Variants in ARHGAP15 observed in about 807,000 individuals in gnomAD.
ARHGAP15 encodes the protein rho GTPase-activating protein 15.
ARHGAP15 carries 51 observed loss-of-function variants against 63.7 expected under a neutral mutation model. The ratio of observed to expected loss-of-function variants is 0.80; its 90% confidence interval spans 0.64 to 1.01. The LOEUF is 1.01. ARHGAP15 is among the 50% of genes least tolerant of loss of function. The probability of loss-of-function intolerance (pLI) is 0.00; values close to 1 mark genes in which losing one functional copy is unlikely to be tolerated. For missense variants in ARHGAP15, 560 were observed against 564.6 expected (o/e 0.99, Z 0.08); for synonymous variants, 191 against 193.8 (o/e 0.99, Z 0.12).
At chr2:143,360,211 C>T (rs1329948828) in intron 6 of ARHGAP15, among the ~76,000 whole-genome samples, 1 of 141,062 alleles carries the variant, frequency 7.1e-6, no homozygotes, top group Admixed American at 7.1e-5. Flanking sequence ...ACCATCTCTA[C>T]AAGGAATTAA....
intron 5 of ARHGAP15, among the ~76,000 whole-genome samples, chr2:143,240,051 C>G (rs1019431372): frequency 1.4e-5 from 2 of 144,196 alleles, no homozygotes; most frequent in Admixed American, 1.4e-4. Context: ...GGTCATGCAC[C>G]TGTAAGTCCA....
At chr2:143,287,820 A>C (rs748089276) in intron 6 of ARHGAP15, among the ~76,000 whole-genome samples, 18 of 152,120 alleles carry the variant, frequency 1.2e-4, no homozygotes, top group Admixed American at 5.9e-4. Flanking sequence ...AGAAAAAGAA[A>C]AAAAGAAATG....
chr2:143,662,230 G>A (rs1427502105), intron 12 of ARHGAP15, among the ~76,000 whole-genome samples: 1 of 151,978 alleles, frequency 6.6e-6, no homozygotes, highest in East Asian at 1.9e-4. Context: ...AGAACGGGCA[G>A]ACTGCCTCCT....
intron 4 of ARHGAP15, among the ~76,000 whole-genome samples, chr2:143,221,987 C>T (rs1381491941): frequency 6.6e-6 from 1 of 152,128 alleles, no homozygotes; most frequent in Non-Finnish European, 1.5e-5. Flanking sequence ...AAGGTGTGCG[C>T]CTAACGTCAT....
chr2:143,508,725 T>C (rs13410550), intron 9 of ARHGAP15, among the ~76,000 whole-genome samples: 103,071 of 141,922 alleles, frequency 0.73, 36,224 homozygotes, highest in Non-Finnish European at 0.81. Flanking sequence ...AAGAATTTCA[T>C]GCGCACAGTG....
chr2:143,629,424 C>A (rs1241374766), intron 12 of ARHGAP15, among the ~76,000 whole-genome samples: 5 of 152,120 alleles, frequency 3.3e-5, no homozygotes, highest in Admixed American at 2.0e-4. Context: ...CTGGAAATGA[C>A]TTGTACTGAA....
At chr2:143,187,383 T>C (rs1658969719) in intron 2 of ARHGAP15, among the ~76,000 whole-genome samples, 1 of 152,170 alleles carries the variant, frequency 6.6e-6, no homozygotes, top group African/African-American at 2.4e-5. Context: ...TCTGAAGCCT[T>C]AAGAGCAGAA....
At chr2:143,362,051 T>C (rs2105337557) in intron 6 of ARHGAP15, among the ~76,000 whole-genome samples, 1 of 152,166 alleles carries the variant, frequency 6.6e-6, no homozygotes, top group East Asian at 1.9e-4. Context: ...AAGTTGGTTT[T>C]CCAGATTTCT....
intron 13 of ARHGAP15, among the ~76,000 whole-genome samples, chr2:143,716,015 T>A (rs1684794255): frequency 6.6e-6 from 1 of 151,882 alleles, no homozygotes; most frequent in South Asian, 2.1e-4. Flanking sequence ...TGTGGGGGTG[T>A]GAGATGGTGG....
chr2:143,316,142 A>G (rs767461732), intron 6 of ARHGAP15, among the ~76,000 whole-genome samples: 3 of 152,132 alleles, frequency 2.0e-5, no homozygotes, highest in Non-Finnish European at 2.9e-5. Flanking sequence ...ATATTTTTTA[A>G]TTCAAATTGT....
chr2:143,542,253 C>T (rs936666190), intron 10 of ARHGAP15, among the ~76,000 whole-genome samples: 12 of 152,108 alleles, frequency 7.9e-5, no homozygotes, highest in African/African-American at 1.9e-4. Context: ...GGGAGTGACC[C>T]GATTTCCCAG....
At chr2:143,228,406 TTTA>T (rs1693302097) in intron 4 of ARHGAP15, among the ~76,000 whole-genome samples, 172 bp from the exon 5 acceptor site, 2 of 152,140 alleles carry the variant, frequency 1.3e-5, no homozygotes. Context: ...CCAGAATGTC[TTTA>T]TTATTACCCA....
chr2:143,670,226 A>ATATC (rs1048038462), intron 12 of ARHGAP15, among the ~76,000 whole-genome samples: 1 of 152,004 alleles, frequency 6.6e-6, no homozygotes, highest in African/African-American at 2.4e-5. Flanking sequence ...ACCTTTATTT[A>ATATC]TATCTTCTAC....
In ARHGAP15 at chr2:143,614,703, CAGAGAT is replaced by C. The variant is rs535836149; in HGVS notation, c.1004-9425_1004-9420del. Among the ~76,000 whole-genome samples, 12 of 152,272 alleles carry C rather than the reference CAGAGAT, an allele frequency of 7.9e-5. No homozygotes were observed. In the South Asian group the frequency reaches 2.5e-3, roughly 32 times the overall value. ...AAAATAAAAACAAATTTCTTTGAGACAGAGATAGAGGAGAGACCCTTTGTTTAAATC... is the reference window on the plus strand; with the variant it reads ...AAAATAAAAACAAATTTCTTTGAGACAGAGGAGAGACCCTTTGTTTAAATC... On this transcript the variant is annotated intron_variant, in intron 11 of 13. Transcript: ENST00000295095.
At chr2:143,268,453 A>G (rs191630505) in intron 6 of ARHGAP15, among the ~76,000 whole-genome samples, 1 of 152,294 alleles carries the variant, frequency 6.6e-6, no homozygotes, top group Admixed American at 6.5e-5. Context: ...TATGTTAGAA[A>G]AGAATGGGAA....
At chr2:143,735,810 T>A (rs1277291132) in intron 13 of ARHGAP15, among the ~76,000 whole-genome samples, 1 of 152,178 alleles carries the variant, frequency 6.6e-6, no homozygotes, top group African/African-American at 2.4e-5. Context: ...ATATTTTTTG[T>A]CCAACAAAAC....
At chr2:143,327,538 C>G (rs1168498787) in intron 6 of ARHGAP15, among the ~76,000 whole-genome samples, 1 of 151,942 alleles carries the variant, frequency 6.6e-6, no homozygotes, top group Non-Finnish European at 1.5e-5. Context: ...GGTACTGGTA[C>G]CAAAACAGAT....
At chr2:143,477,194 A>ACACACATGCTCG (rs1296217416) in intron 8 of ARHGAP15, among the ~76,000 whole-genome samples, 2 of 131,070 alleles carry the variant, frequency 1.5e-5, no homozygotes, top group African/African-American at 5.7e-5. Context: ...ATGCTCGCAC[A>ACACACATGCTCG]CACACACACA....
chr2:143,347,991 G>C (rs572238566), intron 6 of ARHGAP15, among the ~76,000 whole-genome samples: 2 of 152,108 alleles, frequency 1.3e-5, no homozygotes. Flanking sequence ...ATAAATCAGA[G>C]TGATGATCAT....
Sources: allele counts gnomAD v4.1 joint callset (sites outside exome capture counted in the v4.1 genomes callset), GRCh38; gene constraint gnomAD v4.1.1; transcripts MANE v1.5; gene names NCBI Gene and HGNC (gene_info 2026-07-23, HGNC 2026-07-21).